Variants in SLC25A21 observed in about 807,000 individuals in gnomAD.
SLC25A21 encodes mitochondrial 2-oxodicarboxylate carrier.
A neutral mutation model predicts 43.8 loss-of-function variants in SLC25A21; 47 were observed. That is an observed-to-expected ratio of 1.07 (90% CI 0.85 to 1.37). The LOEUF (loss-of-function observed/expected upper bound fraction) is 1.37. SLC25A21 is among the 40% of genes most tolerant of loss of function. The probability of loss-of-function intolerance (pLI) is 0.00; values close to 1 mark genes in which losing one functional copy is unlikely to be tolerated. For synonymous variants in SLC25A21, 131 were observed against 121.3 expected, an observed-to-expected ratio of 1.08 and a Z score of -0.52; for missense variants, 352 against 350.2, an observed-to-expected ratio of 1.00 and a Z score of -0.04.
intron 1 of SLC25A21, among the ~76,000 whole-genome samples, chr14:37,032,596 G>A (rs952684143): frequency 1.1e-4 from 17 of 148,142 alleles, no homozygotes; most frequent in South Asian, 6.4e-4. Flanking sequence ...GCTTGAACCC[G>A]GGAGGTGGAG....
At chr14:37,147,583 A>C (rs1227994023) in intron 1 of SLC25A21, among the ~76,000 whole-genome samples, 1 of 151,352 alleles carries the variant, frequency 6.6e-6, no homozygotes, top group Non-Finnish European at 1.5e-5. Flanking sequence ...AGGAATCCTA[A>C]ATGCCCTAGG....
chr14:37,075,836 C>T (rs906521348), intron 1 of SLC25A21, among the ~76,000 whole-genome samples: 3 of 152,238 alleles, frequency 2.0e-5, no homozygotes, highest in African/African-American at 7.2e-5. Flanking sequence ...TGATTTCCCT[C>T]GTTCCATATT....
intron 1 of SLC25A21, among the ~76,000 whole-genome samples, chr14:37,050,842 G>A (rs560944810): frequency 8.5e-5 from 13 of 152,252 alleles, no homozygotes; most frequent in East Asian, 1.9e-4. Context: ...GGCATAAAGC[G>A]AATAATAATT....
At chr14:37,135,192 T>C (rs1186621430) in intron 1 of SLC25A21, among the ~76,000 whole-genome samples, 5 of 152,126 alleles carry the variant, frequency 3.3e-5, no homozygotes, top group African/African-American at 1.2e-4. Context: ...CCTCCCAAAG[T>C]GCTGGGATTT....
chr14:36,748,713 A>G lies in SLC25A21; in HGVS notation c.204-14140T>C, dbSNP rs193216614. Among the ~76,000 whole-genome samples, 8 of 152,304 alleles carry G rather than the reference A, an allele frequency of 5.3e-5. 1 individual carries two copies. The South Asian group carries it at 1.0e-3, about 20-fold the overall frequency. On this transcript the variant is annotated intron_variant, in intron 3 of 9. Transcript: ENST00000331299. ...CTTTGTCTGTTTCCCTGGTGATTTC[A>G]TCGGGTCCTATGACTTTAGTTATCC...
chr14:36,738,251 G>A (rs990963515), intron 3 of SLC25A21, among the ~76,000 whole-genome samples: 34 of 152,242 alleles, frequency 2.2e-4, no homozygotes, highest in African/African-American at 7.9e-4. Flanking sequence ...TTTTCCCAAC[G>A]CAAAATATTA....
chr14:36,746,486 A>T, intron 3 of SLC25A21, among the ~76,000 whole-genome samples: 1 of 152,034 alleles, frequency 6.6e-6, no homozygotes, highest in East Asian at 1.9e-4. Context: ...AAACAATACC[A>T]CCTACTGGGT....
At position 36,678,498 on chromosome 14, in the gene SLC25A21, A is replaced by AGAC. The variant is rs941376648; in HGVS notation, c.*2157_*2159dup. On this transcript the variant is annotated 3_prime_UTR_variant, in exon 10 of 10. Transcript: ENST00000331299. The stretch of plus-strand genomic sequence containing the variant: ...GGAGTTCCCAGTCTGGTGAGAAAAT[A>AGAC]GACTATAAACTGAATGGAACAAAGA... 7 of 1,536,968 alleles carry AGAC rather than the reference A, an allele frequency of 4.6e-6. No homozygotes were observed. In the African/African-American group the frequency reaches 8.2e-5, roughly 18 times the overall value.
At chr14:36,766,840 G>A (rs1247658377) in intron 3 of SLC25A21, among the ~76,000 whole-genome samples, 4 of 152,186 alleles carry the variant, frequency 2.6e-5, no homozygotes, top group Non-Finnish European at 4.4e-5. Context: ...GTTTCTAAGA[G>A]GAGGACGTTA....
intron 1 of SLC25A21, among the ~76,000 whole-genome samples, chr14:37,001,217 T>A (rs924155386): frequency 6.6e-6 from 1 of 152,238 alleles, no homozygotes; most frequent in Non-Finnish European, 1.5e-5. Flanking sequence ...CACATAGAAT[T>A]GTGCCTGGTA....
chr14:37,009,331 C>T (rs1184176448), intron 1 of SLC25A21, among the ~76,000 whole-genome samples: 1 of 151,988 alleles, frequency 6.6e-6, no homozygotes, highest in African/African-American at 2.4e-5. Context: ...ACTAAAAATA[C>T]AAAAATTAGC....
At chr14:36,730,457 T>C (rs1884773013) in intron 4 of SLC25A21, among the ~76,000 whole-genome samples, 1 of 152,192 alleles carries the variant, frequency 6.6e-6, no homozygotes, top group Admixed American at 6.6e-5. Context: ...CCCAAAAATG[T>C]TATAGGTATT....
chr14:37,025,314 A>G (rs1185429583), intron 1 of SLC25A21, among the ~76,000 whole-genome samples: 1 of 152,172 alleles, frequency 6.6e-6, no homozygotes, highest in Non-Finnish European at 1.5e-5. Context: ...GATTGTTTTG[A>G]GAAGAACATG....
intron 6 of SLC25A21, among the ~76,000 whole-genome samples, chr14:36,711,803 C>G (rs1048630929): frequency 1.3e-5 from 2 of 152,154 alleles, no homozygotes; most frequent in Non-Finnish European, 2.9e-5. Context: ...ATTATTCACA[C>G]TAATGAAGGA....
intron 1 of SLC25A21, among the ~76,000 whole-genome samples, chr14:37,059,783 A>G (rs1961905547): frequency 6.6e-6 from 1 of 152,170 alleles, no homozygotes; most frequent in Non-Finnish European, 1.5e-5. Context: ...CTAGTCTGGA[A>G]TGGCCAGATG....
intron 1 of SLC25A21, among the ~76,000 whole-genome samples, chr14:37,159,214 A>AG (rs1486032134): frequency 1.1e-4 from 2 of 18,126 alleles, no homozygotes; most frequent in Non-Finnish European, 9.4e-4. Flanking sequence ...TTCACGGAAC[A>AG]GAAAAAAAAA....
At chr14:36,723,602 T>C (rs1239353050) in intron 6 of SLC25A21, among the ~76,000 whole-genome samples, 1 of 152,212 alleles carries the variant, frequency 6.6e-6, no homozygotes, top group Non-Finnish European at 1.5e-5. Context: ...AGTGATGAAC[T>C]GGAAGCATGT....
At chr14:36,929,571 G>A (rs940876206) in intron 1 of SLC25A21, among the ~76,000 whole-genome samples, 12 of 152,090 alleles carry the variant, frequency 7.9e-5, no homozygotes, top group Non-Finnish European at 7.4e-5. Flanking sequence ...AAAGTGATAG[G>A]AATCGCATGG....
At chr14:36,732,418 C>T (rs1437585762) in intron 4 of SLC25A21, among the ~76,000 whole-genome samples, 1 of 152,088 alleles carries the variant, frequency 6.6e-6, no homozygotes, top group Non-Finnish European at 1.5e-5. Context: ...TGCCGCCCAT[C>T]TGTGAGGGAT....
Sources: allele counts gnomAD v4.1 joint callset (sites outside exome capture counted in the v4.1 genomes callset), GRCh38; gene constraint gnomAD v4.1.1; transcripts MANE v1.5; gene names NCBI Gene and HGNC (gene_info 2026-07-23, HGNC 2026-07-21).